The following CCDC13 variants were observed in gnomAD, a reference collection of about 807,000 sequenced individuals.
The protein encoded by CCDC13 is coiled-coil domain-containing protein 13.
A neutral mutation model predicts 87.3 loss-of-function variants in CCDC13; 70 were observed. The ratio of observed to expected loss-of-function variants is 0.80; its 90% CI spans 0.66 to 0.98. The LOEUF (loss-of-function observed/expected upper bound fraction) is 0.98. Ranked by LOEUF, CCDC13 falls within the 50% of genes least tolerant of loss-of-function variation. The pLI is 0.00. For missense variants in CCDC13, 842 were observed against 892.0 expected (o/e 0.94, Z 0.71); for synonymous variants, 317 against 360.3 (o/e 0.88, Z 1.36).
chr3:42,757,713 T>C (rs1184376990), intron 2 of CCDC13, among the ~76,000 whole-genome samples: 2 of 151,846 alleles, frequency 1.3e-5, no homozygotes, highest in Non-Finnish European at 2.9e-5. Flanking sequence ...CTCTGTCTCT[T>C]AAAAAAAAGT....
chr3:42,771,084 A>G (rs1229286777), intron 1 of CCDC13: 1 of 152,264 alleles, frequency 6.6e-6, no homozygotes, highest in African/African-American at 2.4e-5. Flanking sequence ...ATAGGTGAGT[A>G]GATAACCTGG....
chr3:42,749,049 G>A (rs1001424448), intron 5 of CCDC13, among the ~76,000 whole-genome samples: 8 of 152,194 alleles, frequency 5.3e-5, no homozygotes, highest in East Asian at 1.9e-4. Context: ...GTGAGCCACC[G>A]TGCCCGGCCA....
At chr3:42,743,587 T>TTATATATATATATATA (rs1553690701) in intron 7 of CCDC13, among the ~76,000 whole-genome samples, 13 of 97,676 alleles carry the variant, frequency 1.3e-4, no homozygotes, top group Middle Eastern at 5.4e-3. Flanking sequence ...CTGGATAATT[T>TTATATATATATATATA]TATATATATA....
chr3:42,752,132 C>T, intron 4 of CCDC13, 107 bp from the exon 5 acceptor site: 1 of 920,322 alleles, frequency 1.1e-6, no homozygotes, highest in African/African-American at 1.6e-5. Context: ...GTGGTGTGTC[C>T]TTTTAGCTCA....
At chr3:42,709,169 G>A (rs759440359) in intron 15 of CCDC13, 30 bp from the exon 16 acceptor site, 2 of 1,592,586 alleles carry the variant, frequency 1.3e-6, no homozygotes, top group African/African-American at 2.7e-5. Context: ...GCTCAGTGTG[G>A]CTGGAGCTGC....
chr3:42,735,100 CA>C (rs972614329), intron 10 of CCDC13, among the ~76,000 whole-genome samples: 9 of 152,156 alleles, frequency 5.9e-5, no homozygotes, highest in Non-Finnish European at 1.2e-4. Flanking sequence ...CAACACAGAA[CA>C]GGGGTCCTGG....
In CCDC13 at chr3:42,743,587, T is replaced by TTATATATATATATATATATA. The variant is rs1553690701; in HGVS notation, c.826-531_826-530insTATATATATATATATATATA. 6.3e-4 allele frequency among the ~76,000 whole-genome samples: 62 copies of TTATATATATATATATATATA among 97,664 alleles called. 1 individual carries two copies. Among genetic ancestry groups the TTATATATATATATATATATA allele is most frequent in the South Asian group, 1.7e-3 (5 of 2,916 alleles). The allele number at this position is 97,664 out of a possible 152,430, so 64.1% of individuals were successfully genotyped here. A position where few individuals can be genotyped will look rare whatever the true frequency, so the allele number is the denominator to read the frequency against. On this transcript the variant is annotated intron_variant, in intron 7 of 15. Transcript: ENST00000310232. ...CACAGGCAACTGTGCCTGGATAATT[T>TTATATATATATATATATATA]TATATATATATATACACACACACAT... is the stretch of plus-strand genomic sequence containing the variant.
chr3:42,713,565 C>T (rs1306522190), intron 13 of CCDC13, among the ~76,000 whole-genome samples: 1 of 152,206 alleles, frequency 6.6e-6, no homozygotes, highest in Non-Finnish European at 1.5e-5. Context: ...AAAGCAATCA[C>T]TTATAACACT....
At position 42,742,856 on chromosome 3, in the gene CCDC13, G is replaced by C. The variant is rs775633546; in HGVS notation, c.987+40C>G. ...CTTGCAGGCACCATCATGATCTCTCGTTCCCACATGCCCAGCTGACCTCCT... is the reference window on the plus strand; with the variant it reads ...CTTGCAGGCACCATCATGATCTCTCCTTCCCACATGCCCAGCTGACCTCCT... On this transcript the variant is annotated intron_variant, in intron 8 of 15. Transcript: ENST00000310232. 5.0e-6 allele frequency: 8 copies of C among 1,609,526 alleles called. No individual in the cohort carries two copies. The Admixed American group carries it at 5.0e-5, about 10-fold the overall frequency.
intron 13 of CCDC13, among the ~76,000 whole-genome samples, chr3:42,722,344 G>A (rs1698583413): frequency 1.3e-5 from 2 of 152,146 alleles, no homozygotes; most frequent in Non-Finnish European, 2.9e-5. Flanking sequence ...AAGGGATGGG[G>A]GGAAAATGTC....
At chr3:42,717,462 T>C (rs946150607) in intron 13 of CCDC13, among the ~76,000 whole-genome samples, 12 of 150,828 alleles carry the variant, frequency 8.0e-5, no homozygotes, top group Non-Finnish European at 1.5e-4. Context: ...TACTAGATGC[T>C]GGGCTTAGTG....
intron 3 of CCDC13, among the ~76,000 whole-genome samples, chr3:42,755,472 TG>T (rs1014826968): frequency 6.6e-6 from 1 of 152,138 alleles, no homozygotes; most frequent in Non-Finnish European, 1.5e-5. Flanking sequence ...CTGGGTGTGG[TG>T]GCACACACCT....
At chr3:42,720,262 A>C (rs1698530379) in intron 13 of CCDC13, among the ~76,000 whole-genome samples, 1 of 152,226 alleles carries the variant, frequency 6.6e-6, no homozygotes, top group Non-Finnish European at 1.5e-5. Context: ...TTGTTTAAAA[A>C]AAGGGAATTT....
chr3:42,749,321 T>C (rs1014023838), intron 5 of CCDC13, among the ~76,000 whole-genome samples: 15 of 152,314 alleles, frequency 9.8e-5, no homozygotes, highest in Admixed American at 6.5e-4. Context: ...ATGGCTGCAG[T>C]GACCCTGCAG....
chr3:42,720,035 T>C (rs1048567198), intron 13 of CCDC13, among the ~76,000 whole-genome samples: 2 of 152,238 alleles, frequency 1.3e-5, no homozygotes, highest in African/African-American at 4.8e-5. Flanking sequence ...AGGTCAGATA[T>C]TACATTTACT....
Position 42,709,749 on chromosome 3 carries a change from C to T in CCDC13, c.1923G>A (p.Lys641=). ...NRHNPTGSEK[K]DPSFAQLSDV... ...CGGAGAGCTGGGCAAAGGATGGGTC[C>T]TTCTTCTCGCTCCCGGTTGGGTTGT... is the stretch of plus-strand genomic sequence containing the variant. The change falls in exon 15 of 16, where the codon AAG becomes AAA. Residue 641 remains lysine, a synonymous_variant. Transcript: ENST00000310232. The T allele has an allele frequency of 6.2e-7, 1 of 1,614,046 alleles. No individual in the cohort carries two copies. The highest frequency in any genetic ancestry group is 8.5e-7 in the Non-Finnish European group (1 of 1,179,920).
At chr3:42,721,675 C>T (rs565623962) in intron 13 of CCDC13, among the ~76,000 whole-genome samples, 49 of 152,322 alleles carry the variant, frequency 3.2e-4, no homozygotes, top group Non-Finnish European at 6.5e-4. Flanking sequence ...CTTATGGCAA[C>T]GTAGTTATTT....
At chr3:42,747,557 T>C (rs1002945271) in intron 5 of CCDC13, among the ~76,000 whole-genome samples, 184 bp from the exon 6 acceptor site, 2 of 152,166 alleles carry the variant, frequency 1.3e-5, no homozygotes, top group Non-Finnish European at 2.9e-5. Context: ...AGATGCAAAA[T>C]GGAGGGTGGT....
chr3:42,743,470 T>C (rs938122475), intron 7 of CCDC13, among the ~76,000 whole-genome samples: 1 of 147,900 alleles, frequency 6.8e-6, no homozygotes, highest in Non-Finnish European at 1.5e-5. Context: ...CCGACTGGAG[T>C]GCAGTGGTGC....
Sources: gnomAD v4.1 joint callset for allele counts (sites outside exome capture counted in the v4.1 genomes callset) on GRCh38, gnomAD v4.1.1 for gene constraint, MANE v1.5 for transcripts, NCBI Gene and HGNC (gene_info 2026-07-23, HGNC 2026-07-21) for gene names.